ERBB4: variants seen among roughly 807,000 people sequenced by gnomAD.
ERBB4 encodes receptor tyrosine-protein kinase erbB-4.
ERBB4 carries 42 observed loss-of-function variants against 158.0 expected under a neutral mutation model. The ratio of observed to expected loss-of-function variants is 0.27; its 90% CI spans 0.21 to 0.34. ERBB4 has a LOEUF of 0.34. Among genes scored for constraint, ERBB4 ranks in the 10% least tolerant of loss-of-function variants. The pLI is 1.00. For missense variants in ERBB4, 1,333 were observed against 1,624.1 expected, an observed-to-expected ratio of 0.82 and a Z score of 3.08; for synonymous variants, 583 against 558.7, an observed-to-expected ratio of 1.04 and a Z score of -0.61.
intron 21 of ERBB4, 25 bp from the exon 22 acceptor site, chr2:211,428,508 T>C: frequency 7.8e-7 from 1 of 1,280,260 alleles, no homozygotes. Flanking sequence ...GAAGTAAAAG[T>C]TTTAAAATTA....
At chr2:211,857,574 T>C (rs2077903309) in intron 3 of ERBB4, among the ~76,000 whole-genome samples, 1 of 152,056 alleles carries the variant, frequency 6.6e-6, no homozygotes. Flanking sequence ...TACAAAAGAA[T>C]AAAAGGAATA....
intron 1 of ERBB4, among the ~76,000 whole-genome samples, chr2:212,349,294 C>G (rs1292865635): frequency 6.9e-6 from 1 of 145,168 alleles, no homozygotes; most frequent in African/African-American, 2.8e-5. Flanking sequence ...TAATCACACA[C>G]ACACACACAC....
At chr2:212,319,331 C>A (rs1291704343) in intron 1 of ERBB4, among the ~76,000 whole-genome samples, 4 of 139,550 alleles carry the variant, frequency 2.9e-5, no homozygotes, top group Admixed American at 6.9e-5. Flanking sequence ...CATTCCAATT[C>A]ACTTTTCCTG....
chr2:212,189,082 T>TGGG lies in ERBB4; in HGVS notation c.83-64182_83-64180dup, dbSNP rs770488299. Among the ~76,000 whole-genome samples the TGGG allele has an allele frequency of 4.8e-5, 5 of 103,560 alleles. No homozygotes were observed. The South Asian group carries it at 1.2e-3, about 25-fold the overall frequency. The allele number at this position is 103,560 out of a possible 152,430, so 67.9% of individuals were successfully genotyped here. On this transcript the variant is annotated intron_variant, in intron 1 of 27. Coordinates refer to ENST00000342788, the MANE Select transcript of ERBB4 (RefSeq NM_005235.3). ...TATTTCAGATTTCTAACTTTTTTTT[T>TGGG]GGGGGGGGGGGTGATTTTTGAATAT...
intron 1 of ERBB4, among the ~76,000 whole-genome samples, chr2:212,365,503 A>G (rs1044389858): frequency 2.0e-5 from 3 of 151,872 alleles, no homozygotes; most frequent in African/African-American, 7.2e-5. Flanking sequence ...TTGCAAATTC[A>G]GCATTACCAG....
chr2:211,727,173 G>A (rs2074295040), intron 5 of ERBB4, among the ~76,000 whole-genome samples: 1 of 152,084 alleles, frequency 6.6e-6, no homozygotes, highest in Admixed American at 6.6e-5. Flanking sequence ...CGTTATATGG[G>A]CAAGTTATTT....
chr2:211,898,984 G>A (rs2079166459), intron 3 of ERBB4, among the ~76,000 whole-genome samples: 1 of 151,948 alleles, frequency 6.6e-6, no homozygotes, highest in Admixed American at 6.6e-5. Flanking sequence ...TGCACTTACT[G>A]GTTTTCTTTT....
chr2:212,395,476 C>A (rs908510510), intron 1 of ERBB4, among the ~76,000 whole-genome samples: 2 of 151,876 alleles, frequency 1.3e-5, no homozygotes, highest in Non-Finnish European at 2.9e-5. Context: ...ATGAATTCAC[C>A]TGTTGACCTA....
chr2:211,670,550 G>A (rs2071800813), intron 14 of ERBB4, among the ~76,000 whole-genome samples: 1 of 152,102 alleles, frequency 6.6e-6, no homozygotes, highest in African/African-American at 2.4e-5. Context: ...TATGCAACAG[G>A]AGGCATCATG....
chr2:212,222,111 G>T (rs1357631607), intron 1 of ERBB4, among the ~76,000 whole-genome samples: 1 of 151,412 alleles, frequency 6.6e-6, no homozygotes, highest in Non-Finnish European at 1.5e-5. Flanking sequence ...AAGTATATAA[G>T]TGGATTATTT....
At chr2:212,432,733 A>G (rs529631864) in intron 1 of ERBB4, among the ~76,000 whole-genome samples, 1 of 152,288 alleles carries the variant, frequency 6.6e-6, no homozygotes, top group South Asian at 2.1e-4. Context: ...AACATCATTA[A>G]TAACCCACAG....
chr2:212,059,547 A>T (rs1419599701), intron 2 of ERBB4, among the ~76,000 whole-genome samples: 1 of 152,180 alleles, frequency 6.6e-6, no homozygotes, highest in Non-Finnish European at 1.5e-5. Context: ...AAACTATACT[A>T]CAAGGCTATA....
chr2:211,591,857 C>T (rs143095613), intron 19 of ERBB4, among the ~76,000 whole-genome samples: 5 of 152,228 alleles, frequency 3.3e-5, no homozygotes, highest in African/African-American at 1.2e-4. Flanking sequence ...TGATTTAAGC[C>T]GAGTCTCAGT....
intron 3 of ERBB4, among the ~76,000 whole-genome samples, chr2:211,907,360 C>T (rs1388567780): frequency 6.6e-6 from 1 of 150,928 alleles, no homozygotes; most frequent in Non-Finnish European, 1.5e-5. Flanking sequence ...TTTTCCCCAC[C>T]TTTATGGGTC....
chr2:211,492,918 T>G (rs2065380641), intron 20 of ERBB4, among the ~76,000 whole-genome samples: 2 of 152,104 alleles, frequency 1.3e-5, no homozygotes, highest in South Asian at 4.1e-4. Flanking sequence ...CCAAATAAAT[T>G]TATCTCCAGC....
chr2:211,966,886 A>G (rs2081324805), intron 2 of ERBB4, among the ~76,000 whole-genome samples: 1 of 152,140 alleles, frequency 6.6e-6, no homozygotes, highest in Non-Finnish European at 1.5e-5. Flanking sequence ...GTTGTGTATA[A>G]TTTTATCTAC....
chr2:211,449,173 A>G (rs1350895838), intron 20 of ERBB4, among the ~76,000 whole-genome samples: 2 of 152,116 alleles, frequency 1.3e-5, no homozygotes, highest in Non-Finnish European at 2.9e-5. Context: ...CTTTTGGCTG[A>G]ACTAGATAAA....
chr2:212,265,934 T>C (rs774281046), intron 1 of ERBB4, among the ~76,000 whole-genome samples: 3 of 152,062 alleles, frequency 2.0e-5, no homozygotes, highest in Non-Finnish European at 2.9e-5. Context: ...TGAAGTGGCA[T>C]ATAGTATATA....
chr2:212,501,413 A>C (rs539537894), intron 1 of ERBB4, among the ~76,000 whole-genome samples: 1 of 152,150 alleles, frequency 6.6e-6, no homozygotes, highest in Non-Finnish European at 1.5e-5. Context: ...ATACTCATCA[A>C]TTGATTAGGC....
Sources: gnomAD v4.1 joint callset for allele counts (sites outside exome capture counted in the v4.1 genomes callset) on GRCh38, gnomAD v4.1.1 for gene constraint, MANE v1.5 for transcripts, NCBI Gene and HGNC (gene_info 2026-07-23, HGNC 2026-07-21) for gene names.